TRAP1: variants seen among roughly 807,000 people sequenced by gnomAD.
The protein encoded by TRAP1 is TNF receptor associated protein 1, also known as heat shock protein 75 kDa, mitochondrial.
TRAP1 carries 102 observed loss-of-function variants against 89.1 expected under a neutral mutation model. The ratio of observed to expected loss-of-function variants is 1.15; its 90% CI spans 0.98 to 1.35. The LOEUF is 1.35. Among genes scored for constraint, TRAP1 ranks in the 40% most tolerant of loss-of-function variants. The pLI, the probability that TRAP1 is intolerant of heterozygous loss-of-function variation, is 0.00. For missense variants in TRAP1, 1,256 were observed against 945.3 expected (o/e 1.33, Z -4.31); for synonymous variants, 508 against 388.0 (o/e 1.31, Z -3.64).
At chr16:3,677,733 G>A in intron 5 of TRAP1, 75 bp from the exon 6 acceptor site, 1 of 1,525,658 alleles carries the variant, frequency 6.6e-7, no homozygotes, top group Non-Finnish European at 8.8e-7. Context: ...TGGCTCTTCT[G>A]CGAGCACCGC....
intron 3 of TRAP1, among the ~76,000 whole-genome samples, chr16:3,686,697 T>G (rs6500549): frequency 0.35 from 52,699 of 151,958 alleles, 9,925 homozygotes; most frequent in African/African-American, 0.5. Context: ...CTGGCTGGGG[T>G]TGGGGGCTCA....
chr16:3,686,113 G>C lies in TRAP1; in HGVS notation c.354C>G (p.Ser118=). ...EKEVFIRELI[S]NASDALEKLR... is the part of the protein sequence containing the mutation. ...GTTTTTCCAAGGCATCGCTGGCATT[G>C]GAGATCAGCTCCCGTATAAACACCT... The change falls in exon 4 of 18, where the codon TCC becomes TCG. Residue 118 remains serine (S), a synonymous_variant. Coordinates refer to ENST00000246957, the MANE Select transcript of TRAP1 (RefSeq NM_016292.3). 1 of 1,614,132 alleles carries C rather than the reference G, an allele frequency of 6.2e-7. No individual in the cohort carries two copies. Among genetic ancestry groups the C allele is most frequent in the South Asian group, 1.1e-5 (1 of 91,060 alleles).
In TRAP1 at chr16:3,664,400, G is replaced by A; in HGVS notation, c.1443C>T (p.Thr481=). Residue 481 remains threonine, a synonymous_variant, in exon 13 of 18, where the codon ACC becomes ACT. Transcript: ENST00000246957. ...ESSALPSGQL[T]SLSEYASRMR... is the part of the protein sequence containing the mutation. Reference sequence around the variant, plus strand: ...TGCGGCTGGCGTATTCTGAGAGGCTGGTTAGCTGCCCGGAGGGCAGCGCCG... The same window carrying A: ...TGCGGCTGGCGTATTCTGAGAGGCTAGTTAGCTGCCCGGAGGGCAGCGCCG... 6.2e-7 allele frequency: 1 copy of A among 1,612,424 alleles called. No individual in the cohort carries two copies. The highest frequency in any genetic ancestry group is 8.5e-7 in the Non-Finnish European group (1 of 1,179,446).
intron 1 of TRAP1, among the ~76,000 whole-genome samples, chr16:3,716,974 G>A (rs1470598317): frequency 6.6e-6 from 1 of 152,246 alleles, no homozygotes; most frequent in East Asian, 1.9e-4. Context: ...TGAACCCTCA[G>A]TGCGCTACTG....
Position 3,662,956 on chromosome 16 carries a change from G to C in TRAP1, c.1720C>G (p.Leu574Val), listed in dbSNP as rs751304938. The C allele has an allele frequency of 1.2e-6, 2 of 1,610,258 alleles. No homozygotes were observed. The highest frequency in any genetic ancestry group is 2.2e-5 in the South Asian group (2 of 91,010). Residue 574 changes from leucine (L) to valine (V), a missense_variant, in exon 15 of 18, where the codon CTA becomes GTA. Leu to Val is a conservative substitution (Grantham distance 32). Coordinates refer to ENST00000246957, the MANE Select transcript of TRAP1 (RefSeq NM_016292.3). Reference protein sequence around the residue: ...FEDRSPAAECLSEKETEELMA... With the variant: ...FEDRSPAAECVSEKETEELMA... The stretch of plus-strand genomic sequence containing the variant: ...AGCTCCTCCGTCTCCTTCTCTGATA[G>C]GCACTCGGCGGCTGCGGAAGAGCAG...
chr16:3,663,159 G>C (rs1701682771), intron 14 of TRAP1, 192 bp from the exon 15 acceptor site: 3 of 659,604 alleles, frequency 4.5e-6, no homozygotes, highest in Non-Finnish European at 5.1e-6. Flanking sequence ...ATACAACTTG[G>C]TTAGGGCTTT....
chr16:3,702,791 C>A (rs1228829723), intron 1 of TRAP1, among the ~76,000 whole-genome samples: 1 of 151,560 alleles, frequency 6.6e-6, no homozygotes, highest in East Asian at 1.9e-4. Flanking sequence ...ACCTGTAATC[C>A]TGGCACTTTG....
intron 1 of TRAP1, among the ~76,000 whole-genome samples, chr16:3,696,135 G>C (rs889668286): frequency 1.3e-5 from 2 of 152,148 alleles, no homozygotes; most frequent in African/African-American, 4.8e-5. Context: ...CACGTCCCAG[G>C]GAAAGCCTTT....
Position 3,661,993 on chromosome 16 carries a change from T to C in TRAP1, c.1934A>G (p.Asn645Ser), listed in dbSNP as rs758506078. 3.1e-6 allele frequency: 5 copies of C among 1,605,988 alleles called. No homozygotes were observed. Among genetic ancestry groups the C allele is most frequent in the South Asian group, 2.2e-5 (2 of 90,614 alleles). ...AQLLQPTLEINPRHALIKKLN... is the reference protein window; with the variant it reads ...AQLLQPTLEISPRHALIKKLN... Reference sequence around the variant, plus strand: ...GCCAGGAGCGTGGCCTCACCTGGGGTTGATCTCCAGCGTGGGCTGCAGGAG... The same window carrying C: ...GCCAGGAGCGTGGCCTCACCTGGGGCTGATCTCCAGCGTGGGCTGCAGGAG... Residue 645 changes from asparagine to serine, a missense_variant, in exon 16 of 18, where the codon AAC becomes AGC. Transcript: ENST00000246957.
At chr16:3,699,480 T>C (rs944924590) in intron 1 of TRAP1, among the ~76,000 whole-genome samples, 4 of 88,102 alleles carry the variant, frequency 4.5e-5, no homozygotes, top group Admixed American at 2.2e-4. Flanking sequence ...CTACTAAAAA[T>C]ACAAAATTAG....
chr16:3,674,197 A>AGGC, intron 9 of TRAP1, 142 bp downstream of exon 9: 10 of 1,165,764 alleles, frequency 8.6e-6, no homozygotes, highest in Non-Finnish European at 1.2e-5. Context: ...CTGGGATAAC[A>AGGC]GGCGTGAGCC....
Position 3,665,403 on chromosome 16 carries a change from G to A in TRAP1, c.1383+568C>T, listed in dbSNP as rs116623427. The A allele has an allele frequency of 4.9e-3, 748 of 153,248 alleles. 7 individuals carry two copies. Among genetic ancestry groups the A allele is most frequent in the African/African-American group, 0.017 (708 of 41,584 alleles). 9.5% of individuals were successfully genotyped at this position (153,248 alleles called of 1,614,324 possible). A position where few individuals can be genotyped will look rare whatever the true frequency, so the allele number is the denominator to read the frequency against. ...GCCACTGAATTTTACGTGTTAAAAG[G>A]TGAATTCTGTGAATCTGATGCTATG... On this transcript the variant is annotated intron_variant, in intron 12 of 17. Transcript: ENST00000246957.
chr16:3,713,152 C>T (rs2051554120), intron 1 of TRAP1, among the ~76,000 whole-genome samples: 1 of 152,170 alleles, frequency 6.6e-6, no homozygotes, highest in Admixed American at 6.5e-5. Context: ...GTACTACTCC[C>T]CTCCACTCTG....
intron 2 of TRAP1, among the ~76,000 whole-genome samples, chr16:3,689,547 C>A (rs948828768): frequency 2.6e-5 from 4 of 152,174 alleles, no homozygotes; most frequent in African/African-American, 9.7e-5. Context: ...CAGACAGAAA[C>A]AAAGTCTGGC....
chr16:3,674,940 C>G (rs771860456), intron 8 of TRAP1: 1 of 318,976 alleles, frequency 3.1e-6, no homozygotes, highest in Non-Finnish European at 5.9e-6. Flanking sequence ...GAAAGGAGAC[C>G]GTGGCTGCTG....
intron 1 of TRAP1, among the ~76,000 whole-genome samples, chr16:3,711,584 G>C (rs1232586684): frequency 6.6e-6 from 1 of 151,106 alleles, no homozygotes; most frequent in African/African-American, 2.4e-5. Flanking sequence ...GGGAAACAGA[G>C]CAAGACTCCA....
chr16:3,671,641 C>A, intron 11 of TRAP1, 81 bp downstream of exon 11: 1 of 1,489,644 alleles, frequency 6.7e-7, no homozygotes, highest in Non-Finnish European at 9.2e-7. Flanking sequence ...CCATGGGCCA[C>A]GGCTAGGGCC....
chr16:3,676,002 C>G (rs1412683662), intron 7 of TRAP1, 34 bp downstream of exon 7: 1 of 1,579,186 alleles, frequency 6.3e-7, no homozygotes, highest in Non-Finnish European at 8.7e-7. Flanking sequence ...ACACATGGAT[C>G]CCAGAGTGAG....
At position 3,663,577 on chromosome 16, in the gene TRAP1, G is replaced by A; in HGVS notation, c.1570-15C>T. 1.9e-6 allele frequency: 3 copies of A among 1,613,342 alleles called. No homozygotes were observed. The highest frequency in any genetic ancestry group is 2.5e-6 in the Non-Finnish European group (3 of 1,179,848). ...CAGAAGAGAACCTGCAGGTGGCCAA[G>A]AGCAGCTCCATCAGACCCCGGGGGC... On this transcript the variant is annotated splice_polypyrimidine_tract_variant and intron_variant, in intron 13 of 17. Coordinates refer to ENST00000246957, the MANE Select transcript of TRAP1 (RefSeq NM_016292.3).
Sources: allele counts gnomAD v4.1 joint callset (sites outside exome capture counted in the v4.1 genomes callset), GRCh38; gene constraint gnomAD v4.1.1; transcripts MANE v1.5; gene names NCBI Gene and HGNC (gene_info 2026-07-23, HGNC 2026-07-21).